The following CACNA2D3 variants were observed in gnomAD, a reference collection of about 807,000 sequenced individuals.
The protein encoded by CACNA2D3 is voltage-dependent calcium channel subunit alpha-2/delta-3.
In CACNA2D3, 60 loss-of-function variants were observed where a neutral mutation model predicts 160.6. That is an observed-to-expected ratio of 0.37 (90% confidence interval 0.30 to 0.46). The LOEUF (loss-of-function observed/expected upper bound fraction) is 0.46. Ranked by LOEUF, CACNA2D3 falls within the 20% of genes least tolerant of loss-of-function variation. The pLI is 1.00. For missense variants in CACNA2D3, 1,205 were observed against 1,365.0 expected (o/e 0.88, Z 1.85); for synonymous variants, 558 against 492.9 (o/e 1.13, Z -1.75).
chr3:54,800,906 A>G (rs1366421931), intron 13 of CACNA2D3, among the ~76,000 whole-genome samples: 1 of 152,110 alleles, frequency 6.6e-6, no homozygotes, highest in Non-Finnish European at 1.5e-5. Context: ...TTGAAGTTTA[A>G]TATTCTCTAT....
At chr3:54,995,283 T>A (rs1029516480) in intron 31 of CACNA2D3, among the ~76,000 whole-genome samples, 1 of 152,168 alleles carries the variant, frequency 6.6e-6, no homozygotes, top group African/African-American at 2.4e-5. Flanking sequence ...CAAAGAAAGT[T>A]TTTTAATCAA....
intron 5 of CACNA2D3, among the ~76,000 whole-genome samples, chr3:54,510,674 T>G (rs547947757): frequency 1.3e-5 from 2 of 152,194 alleles, no homozygotes; most frequent in African/African-American, 2.4e-5. Context: ...TTGGCAGGCC[T>G]GGGCTTGTAT....
At chr3:54,348,932 TG>T (rs1698503353) in intron 3 of CACNA2D3, among the ~76,000 whole-genome samples, 2 of 152,166 alleles carry the variant, frequency 1.3e-5, no homozygotes, top group African/African-American at 4.8e-5. Context: ...TACACTATGT[TG>T]GCCAGGCTGG....
chr3:55,005,923 C>CT (rs998075162), intron 32 of CACNA2D3, among the ~76,000 whole-genome samples: 9 of 152,138 alleles, frequency 5.9e-5, no homozygotes, highest in Non-Finnish European at 8.8e-5. Context: ...AATGTGCATA[C>CT]TTTCTAATTT....
chr3:54,128,772 T>C (rs1239060263), intron 2 of CACNA2D3, among the ~76,000 whole-genome samples: 2 of 152,186 alleles, frequency 1.3e-5, no homozygotes, highest in African/African-American at 2.4e-5. Flanking sequence ...CCTGGGACAC[T>C]GTGATTTGAC....
intron 2 of CACNA2D3, among the ~76,000 whole-genome samples, chr3:54,189,270 T>C (rs1700938104): frequency 6.6e-6 from 1 of 152,184 alleles, no homozygotes; most frequent in East Asian, 1.9e-4. Context: ...GCTGAAAGGA[T>C]TAAGAAGAGG....
intron 13 of CACNA2D3, among the ~76,000 whole-genome samples, chr3:54,789,314 TC>T (rs1702701213): frequency 6.6e-6 from 1 of 152,188 alleles, no homozygotes; most frequent in African/African-American, 2.4e-5. Context: ...ATGCAAATGT[TC>T]AAAAATAAAA....
intron 8 of CACNA2D3, among the ~76,000 whole-genome samples, chr3:54,575,780 G>A (rs1257149792): frequency 2.0e-5 from 3 of 152,178 alleles, no homozygotes; most frequent in Non-Finnish European, 4.4e-5. Context: ...AGGCTAGCCA[G>A]GCATAGGCAA....
chr3:54,175,116 T>G (rs112680469), intron 2 of CACNA2D3, among the ~76,000 whole-genome samples: 2,384 of 152,264 alleles, frequency 0.016, 21 homozygotes, highest in Non-Finnish European at 0.022. Context: ...GTGACTTAAG[T>G]TTTTCTTGCC....
intron 4 of CACNA2D3, among the ~76,000 whole-genome samples, chr3:54,456,306 AT>A (rs1700395664): frequency 6.6e-6 from 1 of 151,682 alleles, no homozygotes; most frequent in Non-Finnish European, 1.5e-5. Context: ...TATTTTATTT[AT>A]TTTTGGTACC....
Position 54,943,359 on chromosome 3 carries a change from G to A in CACNA2D3, c.2450-25091G>A, listed in dbSNP as rs140706585. 2.8e-3 allele frequency among the ~76,000 whole-genome samples: 432 copies of A among 152,192 alleles called. 1 individual carries two copies. Among genetic ancestry groups the A allele is most frequent in the African/African-American group, 9.5e-3 (395 of 41,542 alleles). On this transcript the variant is annotated intron_variant, in intron 27 of 37. Transcript: ENST00000474759. ...TTCTCACTGTCAAGTTAAGATTGCC[G>A]TTTTTTAGTTAATTTTAGACATGTG...
chr3:54,942,887 G>T (rs577295309), intron 27 of CACNA2D3, among the ~76,000 whole-genome samples: 1 of 152,238 alleles, frequency 6.6e-6, no homozygotes, highest in Admixed American at 6.5e-5. Flanking sequence ...AGCCAGGCGC[G>T]GTGGCACGTG....
At chr3:54,701,862 C>T (rs896023405) in intron 11 of CACNA2D3, among the ~76,000 whole-genome samples, 2 of 152,082 alleles carry the variant, frequency 1.3e-5, no homozygotes, top group Admixed American at 1.3e-4. Flanking sequence ...TCAAACTAAA[C>T]CTCAAGGCTG....
intron 3 of CACNA2D3, among the ~76,000 whole-genome samples, chr3:54,336,453 A>T (rs1029790860): frequency 5.3e-5 from 8 of 152,168 alleles, no homozygotes; most frequent in Admixed American, 1.3e-4. Context: ...GGAATGCAGG[A>T]TGGTGTCCAG....
chr3:54,736,907 A>G (rs1238577132), intron 11 of CACNA2D3, among the ~76,000 whole-genome samples: 1 of 152,140 alleles, frequency 6.6e-6, no homozygotes. Flanking sequence ...AAGAATGATG[A>G]CAGTGACCAC....
chr3:54,942,335 C>G (rs1476909210), intron 27 of CACNA2D3, among the ~76,000 whole-genome samples: 1 of 152,224 alleles, frequency 6.6e-6, no homozygotes, highest in Admixed American at 6.5e-5. Context: ...GGGCTGACCT[C>G]TCCCCCTGAG....
At chr3:54,553,159 T>G (rs558286945) in intron 5 of CACNA2D3, among the ~76,000 whole-genome samples, 1 of 152,296 alleles carries the variant, frequency 6.6e-6, no homozygotes, top group African/African-American at 2.4e-5. Context: ...ATCACTAAGT[T>G]TAGAGGAAGG....
chr3:54,791,578 A>G (rs1267336504), intron 13 of CACNA2D3, among the ~76,000 whole-genome samples: 1 of 152,210 alleles, frequency 6.6e-6, no homozygotes, highest in Non-Finnish European at 1.5e-5. Context: ...TCTTTTCTGT[A>G]AATAGTTTAT....
intron 2 of CACNA2D3, among the ~76,000 whole-genome samples, chr3:54,203,649 G>T (rs1012169260): frequency 6.6e-6 from 1 of 152,154 alleles, no homozygotes; most frequent in African/African-American, 2.4e-5. Flanking sequence ...TTGGGCCACT[G>T]TGTGGCCCCA....
Sources: gnomAD v4.1 joint callset for allele counts (sites outside exome capture counted in the v4.1 genomes callset) on GRCh38, gnomAD v4.1.1 for gene constraint, MANE v1.5 for transcripts, NCBI Gene and HGNC (gene_info 2026-07-23, HGNC 2026-07-21) for gene names.